LRRC17: variants seen among roughly 807,000 people sequenced by gnomAD.
The protein encoded by LRRC17 is leucine rich repeat containing 17, also known as leucine-rich repeat-containing protein 17.
In LRRC17, 33 loss-of-function variants were observed where a neutral mutation model predicts 41.5. That is an observed-to-expected ratio of 0.80 (90% CI 0.60 to 1.06). The LOEUF is 1.06. Ranked by LOEUF, LRRC17 falls within the 50% of genes least tolerant of loss-of-function variation. The pLI is 0.00. For missense variants in LRRC17, 491 were observed against 519.3 expected (o/e 0.95, Z 0.53); for synonymous variants, 192 against 197.0 (o/e 0.97, Z 0.21).
chr7:102,934,144 T>C lies in LRRC17; in HGVS notation c.231T>C (p.Pro77=), dbSNP rs1310950117. 2 of 1,614,054 alleles carry C rather than the reference T, an allele frequency of 1.2e-6. No individual in the cohort carries two copies. The highest frequency in any genetic ancestry group is 1.7e-6 in the Non-Finnish European group (2 of 1,180,006). Residue 77 remains proline, a synonymous_variant, in exon 2 of 4, where the codon CCT becomes CCC. Coordinates refer to ENST00000339431, the MANE Select transcript of LRRC17 (RefSeq NM_001031692.3). The part of the protein sequence containing the change: ...CQERKLVYVL[P]GWPQDLLHML... Reference sequence around the variant, plus strand: ...AAAGAAAATTAGTTTATGTGCTGCCTGGTTGGCCTCAGGATTTGCTGCACA... The same window carrying C: ...AAAGAAAATTAGTTTATGTGCTGCCCGGTTGGCCTCAGGATTTGCTGCACA...
At chr7:102,919,094 C>T (rs1468248738) in intron 1 of LRRC17, among the ~76,000 whole-genome samples, 1 of 152,166 alleles carries the variant, frequency 6.6e-6, no homozygotes, top group Non-Finnish European at 1.5e-5. Context: ...TGATTGTTAG[C>T]ATCTCTTCCC....
At chr7:102,929,278 C>A (rs182542877) in intron 1 of LRRC17, among the ~76,000 whole-genome samples, 4 of 152,070 alleles carry the variant, frequency 2.6e-5, no homozygotes, top group African/African-American at 9.7e-5. Flanking sequence ...AGTTCTAAAA[C>A]GGGAGATACA....
At chr7:102,917,536 G>T (rs1377568455) in intron 1 of LRRC17, among the ~76,000 whole-genome samples, 1 of 152,162 alleles carries the variant, frequency 6.6e-6, no homozygotes, top group East Asian at 1.9e-4. Flanking sequence ...AGGTGTGAAG[G>T]CTGTAGATTA....
At chr7:102,920,955 C>T (rs544553479) in intron 1 of LRRC17, among the ~76,000 whole-genome samples, 4 of 152,006 alleles carry the variant, frequency 2.6e-5, no homozygotes, top group Admixed American at 2.0e-4. Flanking sequence ...AGTTCGAGAC[C>T]GGCCTGGCCA....
chr7:102,935,136 G>A (rs1458965387), intron 2 of LRRC17, among the ~76,000 whole-genome samples: 1 of 151,414 alleles, frequency 6.6e-6, no homozygotes, highest in African/African-American at 2.4e-5. Context: ...GACTGTGAGA[G>A]CACTCTGAGA....
At position 102,944,702 on chromosome 7, in the gene LRRC17, T is replaced by C; in HGVS notation, c.*95T>C. ...TTTGATTAACTGTGTTGCCTATTTATGCAGGGTAATCCAGCTAAAGGAAGC... is the reference window on the plus strand; with the variant it reads ...TTTGATTAACTGTGTTGCCTATTTACGCAGGGTAATCCAGCTAAAGGAAGC... On this transcript the variant is annotated 3_prime_UTR_variant, in exon 4 of 4. Transcript: ENST00000339431. The C allele has an allele frequency of 8.9e-7, 1 of 1,122,160 alleles. No individual in the cohort carries two copies. Among genetic ancestry groups the C allele is most frequent in the Non-Finnish European group, 1.2e-6 (1 of 801,844 alleles). The allele number at this position is 1,122,160 out of a possible 1,614,324, so 69.5% of individuals were successfully genotyped here.
intron 2 of LRRC17, among the ~76,000 whole-genome samples, chr7:102,938,156 G>A (rs1010671195): frequency 1.3e-5 from 2 of 152,144 alleles, no homozygotes; most frequent in African/African-American, 2.4e-5. Context: ...TGAGGTAAAC[G>A]GATTTGTCAA....
At chr7:102,925,269 C>T (rs1337662387) in intron 1 of LRRC17, among the ~76,000 whole-genome samples, 6 of 152,002 alleles carry the variant, frequency 3.9e-5, no homozygotes, top group African/African-American at 1.5e-4. Context: ...GTGGCATGCT[C>T]CTGTAGTCCC....
At chr7:102,921,822 A>G (rs1364546846) in intron 1 of LRRC17, among the ~76,000 whole-genome samples, 3 of 152,228 alleles carry the variant, frequency 2.0e-5, no homozygotes, top group Non-Finnish European at 2.9e-5. Context: ...TTTCTTGACT[A>G]GAGTGCCTAA....
At chr7:102,943,336 C>CA (rs58320878) in intron 3 of LRRC17, among the ~76,000 whole-genome samples, 21 of 142,762 alleles carry the variant, frequency 1.5e-4, no homozygotes, top group African/African-American at 5.4e-4. Context: ...AAGTAAATAC[C>CA]AAAAAAAAAA....
intron 1 of LRRC17, chr7:102,931,814 A>T (rs368738037): frequency 2.1e-6 from 3 of 1,445,752 alleles, no homozygotes; most frequent in Non-Finnish European, 2.9e-6. Flanking sequence ...TCTATTCTGC[A>T]TATTGGCACC....
At chr7:102,913,869 CATGAGA>C (rs1293421578) in intron 1 of LRRC17, among the ~76,000 whole-genome samples, 1 of 152,122 alleles carries the variant, frequency 6.6e-6, no homozygotes, top group Non-Finnish European at 1.5e-5. Flanking sequence ...GCAGGCAACA[CATGAGA>C]AGAATCAAAA....
intron 1 of LRRC17, among the ~76,000 whole-genome samples, chr7:102,918,136 C>T (rs141674029): frequency 1.1e-4 from 16 of 152,196 alleles, no homozygotes; most frequent in African/African-American, 3.1e-4. Context: ...TTTACAGTTT[C>T]GAGAACATTT....
At position 102,944,434 on chromosome 7, in the gene LRRC17, A is replaced by G; in HGVS notation, c.1153A>G (p.Lys385Glu). Residue 385 changes from lysine (K) to glutamate (E), a missense_variant, in exon 4 of 4, where the codon AAA (lysine) becomes GAA (glutamate). Coordinates refer to ENST00000339431, the MANE Select transcript of LRRC17 (RefSeq NM_001031692.3). Reference protein sequence around the residue: ...GLECKTPEEYKGWSVGKYIRS... With the variant: ...GLECKTPEEYEGWSVGKYIRS... ...GGAATGCAAAACGCCTGAAGAATAC[A>G]AAGGATGGTCTGTGGGAAAATATAT... 2 of 1,614,104 alleles carry G rather than the reference A, an allele frequency of 1.2e-6. No homozygotes were observed. The highest frequency in any genetic ancestry group is 1.1e-5 in the South Asian group (1 of 91,076).
intron 3 of LRRC17, 137 bp from the exon 4 acceptor site, chr7:102,944,073 A>G (rs1821978648): frequency 1.5e-6 from 1 of 679,722 alleles, no homozygotes; most frequent in Admixed American, 3.3e-5. Context: ...GCTCTGAGAA[A>G]AAGAAAGGAA....
At chr7:102,917,015 A>T (rs1816028313) in intron 1 of LRRC17, among the ~76,000 whole-genome samples, 1 of 152,186 alleles carries the variant, frequency 6.6e-6, no homozygotes, top group African/African-American at 2.4e-5. Context: ...TAAATAAAAA[A>T]TTCTCTGAAA....
At chr7:102,932,365 T>G (rs1319319270) in intron 1 of LRRC17, among the ~76,000 whole-genome samples, 2 of 152,200 alleles carry the variant, frequency 1.3e-5, no homozygotes, top group African/African-American at 4.8e-5. Flanking sequence ...ACTACTTGGA[T>G]TCTAATTTAT....
At position 102,944,420 on chromosome 7, in the gene LRRC17, C is replaced by T. The variant is rs145512772; in HGVS notation, c.1139C>T (p.Thr380Met). The change falls in exon 4 of 4, where the codon ACG becomes ATG. Residue 380 changes from threonine to methionine, a missense_variant. Physicochemically the swap from Thr to Met is moderately conservative, Grantham distance 81. Coordinates refer to ENST00000339431, the MANE Select transcript of LRRC17 (RefSeq NM_001031692.3). ...CATTTTAATGGCCTGGAATGCAAAACGCCTGAAGAATACAAAGGATGGTCT... is the reference window on the plus strand; with the variant it reads ...CATTTTAATGGCCTGGAATGCAAAATGCCTGAAGAATACAAAGGATGGTCT... ...NVHFNGLECK[T>M]PEEYKGWSVG... 133 of 1,613,844 alleles carry T rather than the reference C, an allele frequency of 8.2e-5. No homozygotes were observed. In the African/African-American group the frequency reaches 1.6e-3, roughly 19 times the overall value.
chr7:102,916,286 C>T (rs1161229164), intron 1 of LRRC17, among the ~76,000 whole-genome samples: 2 of 152,088 alleles, frequency 1.3e-5, no homozygotes, highest in African/African-American at 2.4e-5. Context: ...TGCAACTAGC[C>T]GAGATGAGTT....
Sources: allele counts gnomAD v4.1 joint callset (sites outside exome capture counted in the v4.1 genomes callset), GRCh38; gene constraint gnomAD v4.1.1; transcripts MANE v1.5; gene names NCBI Gene and HGNC (gene_info 2026-07-23, HGNC 2026-07-21).